The following FOXP1 variants were observed in gnomAD, a reference collection of about 807,000 sequenced individuals.
FOXP1 encodes the protein forkhead box P1, also known as forkhead box protein P1.
Under a neutral mutation model 98.2 loss-of-function variants are expected in FOXP1, and 15 were observed. The ratio of observed to expected loss-of-function variants is 0.15; its 90% CI spans 0.10 to 0.24. FOXP1 has a LOEUF of 0.24. FOXP1 is among the 10% of genes least tolerant of loss of function. The pLI is 1.00. For synonymous variants in FOXP1, 371 were observed against 314.5 expected (o/e 1.18, Z -1.90); for missense variants, 633 against 848.5 (o/e 0.75, Z 3.15).
At chr3:71,053,011 G>A (rs749435021) in intron 8 of FOXP1, among the ~76,000 whole-genome samples, 1 of 152,092 alleles carries the variant, frequency 6.6e-6, no homozygotes, top group Non-Finnish European at 1.5e-5. Context: ...GGACAGCCTG[G>A]GAGCTTCCGC....
chr3:71,012,421 C>T (rs931267603), intron 12 of FOXP1, among the ~76,000 whole-genome samples: 20 of 152,244 alleles, frequency 1.3e-4, no homozygotes, highest in African/African-American at 3.9e-4. Context: ...TAATTGTAAA[C>T]GGCTGTTGCT....
At chr3:70,970,689 G>A (rs1575739887) in intron 19 of FOXP1, 47 bp downstream of exon 19, 1 of 1,365,522 alleles carries the variant, frequency 7.3e-7, no homozygotes. Context: ...AATGAGTAGG[G>A]GAGACCTGTG....
chr3:71,561,407 C>CAAA (rs56792827), intron 2 of FOXP1, among the ~76,000 whole-genome samples: 3 of 40,274 alleles, frequency 7.4e-5, no homozygotes, highest in African/African-American at 1.2e-4. Context: ...TAAAGCTGGC[C>CAAA]AAAAAAAAAA....
At chr3:71,121,356 T>A (rs2058752235) in intron 6 of FOXP1, among the ~76,000 whole-genome samples, 1 of 149,218 alleles carries the variant, frequency 6.7e-6, no homozygotes, top group Admixed American at 6.6e-5. Context: ...AGGATAGGAT[T>A]TTCATGACAC....
intron 3 of FOXP1, among the ~76,000 whole-genome samples, chr3:71,405,240 C>T (rs2082236079): frequency 6.6e-6 from 1 of 152,194 alleles, no homozygotes; most frequent in African/African-American, 2.4e-5. Context: ...CTGATGCCTG[C>T]CATCCTCGCC....
At chr3:71,014,574 GA>G (rs1394145439) in intron 12 of FOXP1, among the ~76,000 whole-genome samples, 1 of 152,230 alleles carries the variant, frequency 6.6e-6, no homozygotes, top group Non-Finnish European at 1.5e-5. Flanking sequence ...CATTGTGGAA[GA>G]AAGTGTGGCG....
At chr3:71,317,735 C>G (rs149788856) in intron 4 of FOXP1, among the ~76,000 whole-genome samples, 1 of 152,150 alleles carries the variant, frequency 6.6e-6, no homozygotes. Flanking sequence ...CTGTCCCCCC[C>G]ACACAATTGT....
chr3:71,101,746 C>A (rs1348393828), intron 7 of FOXP1, among the ~76,000 whole-genome samples: 1 of 150,844 alleles, frequency 6.6e-6, no homozygotes, highest in Non-Finnish European at 1.5e-5. Context: ...AGCTTGGCAG[C>A]AAAAGAAGGA....
intron 3 of FOXP1, among the ~76,000 whole-genome samples, chr3:71,457,458 A>G (rs1029319115): frequency 5.3e-5 from 8 of 152,162 alleles, no homozygotes; most frequent in African/African-American, 1.9e-4. Context: ...GGTAATCACA[A>G]AAGAGATCCA....
intron 2 of FOXP1, among the ~76,000 whole-genome samples, chr3:71,552,937 C>T (rs538353870): frequency 6.6e-6 from 1 of 152,124 alleles, no homozygotes; most frequent in African/African-American, 2.4e-5. Flanking sequence ...CTTACCACAT[C>T]ACCAGTAAGT....
At chr3:71,226,548 T>TTCTC (rs10701218) in intron 5 of FOXP1, among the ~76,000 whole-genome samples, 367 of 146,246 alleles carry the variant, frequency 2.5e-3, no homozygotes, top group African/African-American at 7.0e-3. Context: ...CTTCCCGGGG[T>TTCTC]TCTCTCTCTC....
chr3:71,107,411 T>C (rs1486084231), intron 7 of FOXP1, among the ~76,000 whole-genome samples: 1 of 152,190 alleles, frequency 6.6e-6, no homozygotes, highest in Non-Finnish European at 1.5e-5. Flanking sequence ...TAATGGTGCA[T>C]GTAATCAGAA....
chr3:71,167,736 C>T (rs2061458002), intron 6 of FOXP1, among the ~76,000 whole-genome samples: 1 of 152,220 alleles, frequency 6.6e-6, no homozygotes, highest in Non-Finnish European at 1.5e-5. Context: ...CTTTTGGATT[C>T]TACCTTCCTC....
Position 71,304,037 on chromosome 3 carries a change from C to T in FOXP1, c.-72-4157G>A, listed in dbSNP as rs78060188. On this transcript the variant is annotated intron_variant, in intron 4 of 20. Coordinates refer to ENST00000649528, the MANE Select transcript of FOXP1 (RefSeq NM_001349338.3). ...ATCCACCATTCTTCAAATCTCTCTC[C>T]TATCCCTGCAAGTAACATTTTACTT... Among the ~76,000 whole-genome samples the T allele has an allele frequency of 7.4e-3, 1,125 of 152,304 alleles. 30 individuals carry two copies. Among genetic ancestry groups the T allele is most frequent in the Non-Finnish European group, 4.7e-3 (322 of 68,042 alleles).
At chr3:71,246,270 G>A (rs533225796) in intron 5 of FOXP1, among the ~76,000 whole-genome samples, 9 of 152,316 alleles carry the variant, frequency 5.9e-5, no homozygotes, top group Admixed American at 5.9e-4. Flanking sequence ...GTGCAAGGAC[G>A]GGAGGACAGG....
chr3:71,010,241 A>G (rs2043389769), intron 12 of FOXP1, among the ~76,000 whole-genome samples: 1 of 152,088 alleles, frequency 6.6e-6, no homozygotes, highest in East Asian at 1.9e-4. Context: ...CAAACTGTCA[A>G]TAAGAAGTGC....
chr3:71,535,564 A>C (rs2044223356), intron 2 of FOXP1, among the ~76,000 whole-genome samples: 1 of 152,144 alleles, frequency 6.6e-6, no homozygotes, highest in Admixed American at 6.5e-5. Flanking sequence ...CAACAACAAC[A>C]AAAACACAAA....
chr3:71,058,474 A>G (rs2050984115), intron 7 of FOXP1, among the ~76,000 whole-genome samples: 1 of 152,186 alleles, frequency 6.6e-6, no homozygotes, highest in African/African-American at 2.4e-5. Context: ...TATTTGGGTG[A>G]TAACTGACCA....
At chr3:71,524,964 C>T (rs2043262638) in intron 2 of FOXP1, among the ~76,000 whole-genome samples, 1 of 152,190 alleles carries the variant, frequency 6.6e-6, no homozygotes, top group African/African-American at 2.4e-5. Context: ...TTGAATACCA[C>T]TAAGACAGCT....
Sources: allele counts gnomAD v4.1 joint callset (sites outside exome capture counted in the v4.1 genomes callset), GRCh38; gene constraint gnomAD v4.1.1; transcripts MANE v1.5; gene names NCBI Gene and HGNC (gene_info 2026-07-23, HGNC 2026-07-21).